INPP4B: variants seen among roughly 807,000 people sequenced by gnomAD.
The protein encoded by INPP4B is inositol polyphosphate-4-phosphatase type II B, also known as inositol polyphosphate 4-phosphatase type II.
Under a neutral mutation model 122.5 loss-of-function variants are expected in INPP4B, and 55 were observed. The observed-to-expected ratio is 0.45, with a 90% CI of 0.36 to 0.56. INPP4B has a LOEUF of 0.56. Among genes scored for constraint, INPP4B ranks in the 20% least tolerant of loss-of-function variants. INPP4B has a pLI of 0.00. For synonymous variants in INPP4B, 403 were observed against 388.7 expected, an observed-to-expected ratio of 1.04 and a Z score of -0.43; for missense variants, 1,000 against 1,097.7, an observed-to-expected ratio of 0.91 and a Z score of 1.26.
chr4:142,682,546 G>A lies in INPP4B; in HGVS notation c.-191+43293C>T, dbSNP rs528117809. On this transcript the variant is annotated intron_variant, in intron 2 of 25. Transcript: ENST00000262992. Reference sequence around the variant, plus strand: ...TTATATTGTGTTTTTCATGAAAATAGCATTGCTAATTCACCAATAACATTT... The same window carrying A: ...TTATATTGTGTTTTTCATGAAAATAACATTGCTAATTCACCAATAACATTT... 4.3e-4 allele frequency among the ~76,000 whole-genome samples: 66 copies of A among 151,908 alleles called. 1 individual carries two copies. Among genetic ancestry groups the A allele is most frequent in the Admixed American group, 1.9e-3 (29 of 15,212 alleles).
rs185688899 is a variant in INPP4B at position 142,453,737 on chromosome 4, C to T, written c.-127+8926G>A. Among the ~76,000 whole-genome samples, 367 of 152,228 alleles carry T rather than the reference C, an allele frequency of 2.4e-3. 1 individual carries two copies. Among genetic ancestry groups the T allele is most frequent in the African/African-American group, 8.4e-3 (350 of 41,552 alleles). ...TTACTCTTCAATATATACACAATCA[C>T]GCAGTCTACCTTAAAATATTTATTC... On this transcript the variant is annotated intron_variant, in intron 3 of 25. Coordinates refer to ENST00000262992, the MANE Select transcript of INPP4B (RefSeq NM_001101669.3).
At chr4:142,393,947 A>G (rs373676224) in intron 7 of INPP4B, among the ~76,000 whole-genome samples, 27 of 152,346 alleles carry the variant, frequency 1.8e-4, no homozygotes, top group African/African-American at 6.3e-4. Flanking sequence ...TTCATTGCTC[A>G]ATTAAACTCC....
chr4:142,534,736 G>A (rs554748735), intron 2 of INPP4B, among the ~76,000 whole-genome samples: 82 of 151,328 alleles, frequency 5.4e-4, no homozygotes, highest in Admixed American at 9.2e-4. Flanking sequence ...AGTTTGGAGA[G>A]TGTCATCAGA....
chr4:142,179,068 A>T (rs2152969399), intron 15 of INPP4B, among the ~76,000 whole-genome samples: 1 of 152,288 alleles, frequency 6.6e-6, no homozygotes, highest in South Asian at 2.1e-4. Context: ...AGAATTAGAA[A>T]AAAACAAAAC....
intron 2 of INPP4B, among the ~76,000 whole-genome samples, chr4:142,537,649 C>A (rs755327027): frequency 6.6e-6 from 1 of 150,976 alleles, no homozygotes; most frequent in Non-Finnish European, 1.5e-5. Context: ...TTTTTGCAGC[C>A]TCATTTCATT....
At chr4:142,289,752 A>G (rs1319582032) in intron 9 of INPP4B, among the ~76,000 whole-genome samples, 23 of 152,250 alleles carry the variant, frequency 1.5e-4, no homozygotes, top group Admixed American at 5.2e-4. Context: ...TGGTGACCCA[A>G]TCTTTCTCTT....
At chr4:142,154,571 T>G (rs1816161329) in intron 17 of INPP4B, among the ~76,000 whole-genome samples, 1 of 151,950 alleles carries the variant, frequency 6.6e-6, no homozygotes, top group Admixed American at 6.6e-5. Context: ...TTAGAGTTGA[T>G]TAAGACACTG....
chr4:142,438,024 A>G (rs1251800323), intron 3 of INPP4B, among the ~76,000 whole-genome samples: 1 of 152,198 alleles, frequency 6.6e-6, no homozygotes, highest in Admixed American at 6.5e-5. Context: ...AAGGAGAACT[A>G]TAAACCACTG....
chr4:142,547,297 T>C (rs186781588), intron 2 of INPP4B, among the ~76,000 whole-genome samples: 28 of 152,186 alleles, frequency 1.8e-4, no homozygotes, highest in Admixed American at 5.2e-4. Flanking sequence ...TGAGATTTTA[T>C]TTTTTTAAGA....
At chr4:142,203,389 A>C (rs546285348) in intron 14 of INPP4B, among the ~76,000 whole-genome samples, 7 of 152,128 alleles carry the variant, frequency 4.6e-5, no homozygotes, top group Non-Finnish European at 8.8e-5. Flanking sequence ...TTTCTATTGT[A>C]TATCTATAGC....
chr4:142,790,887 G>T (rs910229801), intron 1 of INPP4B, among the ~76,000 whole-genome samples: 1 of 151,470 alleles, frequency 6.6e-6, no homozygotes, highest in African/African-American at 2.4e-5. Context: ...ATCTCAAATG[G>T]GTGCACCGGT....
chr4:142,543,412 C>T (rs893341726), intron 2 of INPP4B, among the ~76,000 whole-genome samples: 3 of 152,114 alleles, frequency 2.0e-5, no homozygotes, highest in African/African-American at 7.2e-5. Context: ...AGGATTAATT[C>T]CCCTTTAGCT....
chr4:142,054,725 G>C (rs1434070504), intron 25 of INPP4B, among the ~76,000 whole-genome samples: 1 of 152,022 alleles, frequency 6.6e-6, no homozygotes, highest in Non-Finnish European at 1.5e-5. Flanking sequence ...AGTCACAAAA[G>C]ATTCCTATAT....
chr4:142,107,175 C>T (rs1249418112), intron 23 of INPP4B, among the ~76,000 whole-genome samples: 1 of 152,044 alleles, frequency 6.6e-6, no homozygotes, highest in African/African-American at 2.4e-5. Flanking sequence ...ACTATCCACA[C>T]ATGGGCACGC....
chr4:142,093,082 G>A (rs1383095787), intron 23 of INPP4B, among the ~76,000 whole-genome samples: 1 of 152,062 alleles, frequency 6.6e-6, no homozygotes, highest in Non-Finnish European at 1.5e-5. Context: ...GGAACTTGCC[G>A]ACTGTATTCC....
intron 18 of INPP4B, among the ~76,000 whole-genome samples, chr4:142,127,083 G>A (rs1162994365): frequency 6.6e-6 from 1 of 152,102 alleles, no homozygotes; most frequent in African/African-American, 2.4e-5. Flanking sequence ...GCAGTAGGTG[G>A]CGCTGCTTAA....
chr4:142,349,192 G>A (rs913114894), intron 7 of INPP4B, among the ~76,000 whole-genome samples: 6 of 151,984 alleles, frequency 3.9e-5, no homozygotes, highest in African/African-American at 1.5e-4. Context: ...CTTAGATACT[G>A]TATAAACTTT....
At chr4:142,523,247 A>T (rs954274234) in intron 2 of INPP4B, among the ~76,000 whole-genome samples, 1 of 152,146 alleles carries the variant, frequency 6.6e-6, no homozygotes, top group Non-Finnish European at 1.5e-5. Flanking sequence ...CGTGTGGACC[A>T]ACAATTCATG....
chr4:142,637,075 G>A (rs747310645), intron 2 of INPP4B, among the ~76,000 whole-genome samples: 29 of 152,020 alleles, frequency 1.9e-4, no homozygotes, highest in Non-Finnish European at 3.5e-4. Context: ...AGCAAAAAAT[G>A]AGCAGAAAGT....
Sources: allele counts gnomAD v4.1 joint callset (sites outside exome capture counted in the v4.1 genomes callset), GRCh38; gene constraint gnomAD v4.1.1; transcripts MANE v1.5; gene names NCBI Gene and HGNC (gene_info 2026-07-23, HGNC 2026-07-21).